The following FRMD4B variants were observed in gnomAD, a reference collection of about 807,000 sequenced individuals.
The protein encoded by FRMD4B is FERM domain-containing protein 4B.
In FRMD4B, 74 loss-of-function variants were observed where a neutral mutation model predicts 141.5. The observed-to-expected ratio is 0.52, with a 90% confidence interval of 0.43 to 0.63. The LOEUF (loss-of-function observed/expected upper bound fraction) is 0.63, where lower values mean the gene tolerates loss of function less well. FRMD4B is among the 30% of genes least tolerant of loss of function. The pLI is 0.00. For missense variants in FRMD4B, 1,366 were observed against 1,253.4 expected (o/e 1.09, Z -1.36); for synonymous variants, 506 against 467.9 (o/e 1.08, Z -1.05).
chr3:69,269,991 T>G (rs915225279), intron 5 of FRMD4B, among the ~76,000 whole-genome samples: 1 of 152,086 alleles, frequency 6.6e-6, no homozygotes, highest in Non-Finnish European at 1.5e-5. Flanking sequence ...GAAATGGATA[T>G]CTTTATCTAT....
At chr3:69,267,293 C>T (rs1403281440) in intron 5 of FRMD4B, among the ~76,000 whole-genome samples, 1 of 152,006 alleles carries the variant, frequency 6.6e-6, no homozygotes, top group African/African-American at 2.4e-5. Context: ...GGAAGACTGG[C>T]CTGCTCTTGA....
At chr3:69,414,176 G>A (rs1038642551) in intron 2 of FRMD4B, among the ~76,000 whole-genome samples, 2 of 152,052 alleles carry the variant, frequency 1.3e-5, no homozygotes, top group Admixed American at 1.3e-4. Context: ...GGTAACAGAT[G>A]CCTGCCTGAA....
intron 4 of FRMD4B, among the ~76,000 whole-genome samples, chr3:69,297,759 C>A (rs774168524): frequency 7.9e-5 from 12 of 152,130 alleles, no homozygotes; most frequent in Admixed American, 2.6e-4. Flanking sequence ...AGATAACAAC[C>A]CCCAGCCTGG....
At chr3:69,323,832 G>A (rs1272476281) in intron 1 of FRMD4B, among the ~76,000 whole-genome samples, 4 of 151,612 alleles carry the variant, frequency 2.6e-5, no homozygotes, top group Admixed American at 2.0e-4. Flanking sequence ...CAGAATCCAT[G>A]CTCTTAAGGG....
At chr3:69,259,349 C>G (rs371584220) in intron 5 of FRMD4B, among the ~76,000 whole-genome samples, 1 of 152,216 alleles carries the variant, frequency 6.6e-6, no homozygotes, top group Admixed American at 6.5e-5. Flanking sequence ...CGTTCACCCA[C>G]CCGCTGCTCA....
intron 2 of FRMD4B, among the ~76,000 whole-genome samples, chr3:69,409,820 A>G (rs1304890333): frequency 1.3e-5 from 2 of 152,332 alleles, no homozygotes; most frequent in East Asian, 1.9e-4. Context: ...AGAAAATCTG[A>G]CAACAAAGCC....
intron 2 of FRMD4B, among the ~76,000 whole-genome samples, chr3:69,414,852 G>A (rs1302607187): frequency 2.1e-5 from 3 of 145,914 alleles, no homozygotes; most frequent in Admixed American, 1.4e-4. Flanking sequence ...GACTCACAGC[G>A]AACAAGCTGT....
At chr3:69,313,224 T>C (rs1405924846) in intron 2 of FRMD4B, among the ~76,000 whole-genome samples, 4 of 152,236 alleles carry the variant, frequency 2.6e-5, no homozygotes, top group African/African-American at 9.6e-5. Flanking sequence ...TCTGAATCCA[T>C]GTCACCAGGC....
chr3:69,470,105 C>T (rs985181367), intron 1 of FRMD4B, among the ~76,000 whole-genome samples: 1 of 152,152 alleles, frequency 6.6e-6, no homozygotes, highest in Non-Finnish European at 1.5e-5. Flanking sequence ...AAAGAGATTA[C>T]TTTTGCAGAA....
chr3:69,191,195 T>C (rs2092832236), intron 17 of FRMD4B, among the ~76,000 whole-genome samples: 2 of 152,126 alleles, frequency 1.3e-5, no homozygotes, highest in South Asian at 2.1e-4. Context: ...GAGGTTGGTG[T>C]ATCACTTGAG....
chr3:69,537,668 C>T (rs1032684598), intron 1 of FRMD4B, among the ~76,000 whole-genome samples: 1 of 152,178 alleles, frequency 6.6e-6, no homozygotes, highest in Non-Finnish European at 1.5e-5. Flanking sequence ...ATCTTGATCT[C>T]ATAAGTCCTG....
chr3:69,447,258 T>C (rs1705423180), intron 1 of FRMD4B, among the ~76,000 whole-genome samples: 1 of 152,042 alleles, frequency 6.6e-6, no homozygotes, highest in South Asian at 2.1e-4. Context: ...ATCTGTGAGG[T>C]TGGCCAAATG....
chr3:69,340,718 G>C (rs952015035), intron 1 of FRMD4B, among the ~76,000 whole-genome samples: 1 of 152,146 alleles, frequency 6.6e-6, no homozygotes, highest in Non-Finnish European at 1.5e-5. Flanking sequence ...AGAGTGTTTC[G>C]AATAGCTTTG....
chr3:69,480,498 C>T (rs561206753), intron 1 of FRMD4B, among the ~76,000 whole-genome samples: 89 of 152,234 alleles, frequency 5.8e-4, no homozygotes, highest in Admixed American at 1.0e-3. Context: ...CCTGGGTATC[C>T]GCAGTGGTGG....
chr3:69,368,534 G>C (rs1239922498), intron 1 of FRMD4B, among the ~76,000 whole-genome samples: 1 of 152,172 alleles, frequency 6.6e-6, no homozygotes, highest in African/African-American at 2.4e-5. Flanking sequence ...TCTTGGACAG[G>C]TGCTTTGCAT....
chr3:69,533,449 T>C (rs1701032414), intron 1 of FRMD4B, among the ~76,000 whole-genome samples: 1 of 152,104 alleles, frequency 6.6e-6, no homozygotes, highest in Non-Finnish European at 1.5e-5. Flanking sequence ...TTATTGTGGG[T>C]CATTGTGGTG....
intron 5 of FRMD4B, among the ~76,000 whole-genome samples, chr3:69,257,290 A>G (rs1229628395): frequency 6.6e-6 from 1 of 152,226 alleles, no homozygotes; most frequent in Admixed American, 6.5e-5. Context: ...CAACCCTCAG[A>G]ACTCATTATT....
At position 69,522,397 on chromosome 3, in the gene FRMD4B, C is replaced by T. The variant is rs140875879; in HGVS notation, c.-129+19809G>A. Among the ~76,000 whole-genome samples, 67 of 152,220 alleles carry T rather than the reference C, an allele frequency of 4.4e-4. 2 individuals carry two copies. The highest frequency in any genetic ancestry group is 1.3e-3 in the African/African-American group (55 of 41,534). On this transcript the variant is annotated intron_variant, in intron 1 of 5. Transcript: ENST00000459638. ...CAGGAAAGTAGTGAGTTATTATGGG[C>T]AAGCAGTTACTATGGGCAAGGCATA...
chr3:69,318,306 T>C (rs545849314), intron 1 of FRMD4B, among the ~76,000 whole-genome samples: 256 of 152,186 alleles, frequency 1.7e-3, no homozygotes, highest in Non-Finnish European at 3.1e-3. Flanking sequence ...AAAGCATCTT[T>C]ATAAGACTCC....
Sources: gnomAD v4.1 joint callset for allele counts (sites outside exome capture counted in the v4.1 genomes callset) on GRCh38, gnomAD v4.1.1 for gene constraint, MANE v1.5 for transcripts, NCBI Gene and HGNC (gene_info 2026-07-23, HGNC 2026-07-21) for gene names.